TAS2R1: variants seen among roughly 807,000 people sequenced by gnomAD.
TAS2R1 encodes the protein taste 2 receptor member 1, also known as taste receptor type 2 member 1.
For synonymous variants in TAS2R1, 141 were observed against 134.2 expected (o/e 1.05, Z -0.35); for missense variants, 370 against 353.4 (o/e 1.05, Z -0.38).
chr5:9,816,337 T>C, the TAS2R1 span, among the ~76,000 whole-genome samples: 3 of 152,132 alleles, frequency 2.0e-5, no homozygotes, highest in African/African-American at 7.2e-5. Flanking sequence ...TGATAATCAA[T>C]CGCAATTGAT....
intron 1 of TAS2R1, among the ~76,000 whole-genome samples, chr5:9,706,335 C>T (rs1305270717): frequency 6.6e-6 from 1 of 152,182 alleles, no homozygotes; most frequent in African/African-American, 2.4e-5. Context: ...TGCGAAGCCA[C>T]AACCCAAACA....
chr5:9,901,917 G>C, the TAS2R1 span, among the ~76,000 whole-genome samples: 3 of 152,100 alleles, frequency 2.0e-5, no homozygotes, highest in Non-Finnish European at 2.9e-5. Flanking sequence ...GCACCAGCCT[G>C]TTTATCATCC....
chr5:9,768,418 A>G, the TAS2R1 span, among the ~76,000 whole-genome samples: 1 of 152,088 alleles, frequency 6.6e-6, no homozygotes, highest in South Asian at 2.1e-4. Flanking sequence ...GAAACTGTCA[A>G]CTCACACTCA....
the TAS2R1 span, among the ~76,000 whole-genome samples, chr5:9,735,041 C>T: frequency 5.3e-5 from 8 of 151,298 alleles, no homozygotes; most frequent in East Asian, 1.9e-4. Context: ...AACTTACAGT[C>T]GTGGCAGTAG....
chr5:9,762,423 G>A, the TAS2R1 span, among the ~76,000 whole-genome samples: 1 of 152,174 alleles, frequency 6.6e-6, no homozygotes, highest in African/African-American at 2.4e-5. Flanking sequence ...TTCAAAGGGG[G>A]TAAAAAGGAT....
chr5:9,677,075 A>G (rs1215238819), intron 1 of TAS2R1, among the ~76,000 whole-genome samples: 1 of 152,256 alleles, frequency 6.6e-6, no homozygotes, highest in East Asian at 1.9e-4. Flanking sequence ...CTATGCAGCC[A>G]TAAAAAAGAA....
intron 2 of TAS2R1, among the ~76,000 whole-genome samples, chr5:9,652,335 TC>T (rs1740323535): frequency 6.6e-6 from 1 of 152,140 alleles, no homozygotes. Context: ...GCTGAACACT[TC>T]CCAGGATCCC....
chr5:9,633,319 T>TATATATATATATATAC (rs1475834697), upstream of TAS2R1, among the ~76,000 whole-genome samples: 3 of 137,526 alleles, frequency 2.2e-5, no homozygotes, highest in African/African-American at 8.9e-5. Flanking sequence ...TATATATATA[T>TATATATATATATATAC]ACACAAATGT....
upstream of TAS2R1, among the ~76,000 whole-genome samples, chr5:9,634,139 A>G (rs1244007524): frequency 1.3e-5 from 2 of 152,124 alleles, no homozygotes; most frequent in African/African-American, 4.8e-5. Flanking sequence ...ATGAGGATCC[A>G]GTTTCATTCT....
the TAS2R1 span, among the ~76,000 whole-genome samples, chr5:9,856,651 A>G: frequency 6.6e-6 from 1 of 152,352 alleles, no homozygotes; most frequent in Non-Finnish European, 1.5e-5. Context: ...TATTCTCTCT[A>G]TAGAGAAAAT....
intron 1 of TAS2R1, among the ~76,000 whole-genome samples, chr5:9,699,344 G>A (rs1018201599): frequency 8.5e-5 from 13 of 152,210 alleles, no homozygotes; most frequent in African/African-American, 2.9e-4. Flanking sequence ...TCCCTTCGAC[G>A]CTTTCATGCT....
At chr5:9,651,546 T>G (rs561683151) in intron 2 of TAS2R1, among the ~76,000 whole-genome samples, 1 of 152,338 alleles carries the variant, frequency 6.6e-6, no homozygotes, top group African/African-American at 2.4e-5. Context: ...TTTTTCATGT[T>G]AATATAAGCA....
At chr5:9,876,704 A>T in the TAS2R1 span, among the ~76,000 whole-genome samples, 1 of 152,230 alleles carries the variant, frequency 6.6e-6, no homozygotes, top group Non-Finnish European at 1.5e-5. Flanking sequence ...GCAAATCGTA[A>T]CATTATAATG....
At chr5:9,665,232 C>T (rs1174058558) in intron 1 of TAS2R1, among the ~76,000 whole-genome samples, 3 of 152,208 alleles carry the variant, frequency 2.0e-5, no homozygotes, top group Non-Finnish European at 2.9e-5. Flanking sequence ...CCTGCTCATG[C>T]CTTGGTTCTC....
the TAS2R1 span, among the ~76,000 whole-genome samples, chr5:9,773,205 T>C: frequency 6.6e-6 from 1 of 152,088 alleles, no homozygotes; most frequent in South Asian, 2.1e-4. Context: ...GAGGTTACCA[T>C]GAGGCTTGCA....
chr5:9,766,568 C>G, the TAS2R1 span, among the ~76,000 whole-genome samples: 1 of 152,170 alleles, frequency 6.6e-6, no homozygotes, highest in African/African-American at 2.4e-5. Flanking sequence ...TCTCATAACC[C>G]CTTATAAGGC....
chr5:9,645,099 T>C (rs574484609), intron 2 of TAS2R1, among the ~76,000 whole-genome samples: 1 of 152,298 alleles, frequency 6.6e-6, no homozygotes, highest in South Asian at 2.1e-4. Context: ...TGTTTATTTG[T>C]TGGATGGAAA....
At chr5:9,807,723 C>A in the TAS2R1 span, among the ~76,000 whole-genome samples, 2 of 152,006 alleles carry the variant, frequency 1.3e-5, no homozygotes, top group African/African-American at 4.8e-5. Flanking sequence ...TATGAGGAAG[C>A]AAAGGCATAA....
At chr5:9,844,800 T>C in the TAS2R1 span, among the ~76,000 whole-genome samples, 7 of 152,302 alleles carry the variant, frequency 4.6e-5, no homozygotes, top group Admixed American at 2.0e-4. Context: ...TTCTAAATCA[T>C]CTGATTCTAT....
Sources: gnomAD v4.1 joint callset for allele counts (sites outside exome capture counted in the v4.1 genomes callset) on GRCh38, gnomAD v4.1.1 for gene constraint, MANE v1.5 for transcripts, NCBI Gene and HGNC (gene_info 2026-07-23, HGNC 2026-07-21) for gene names.